Variants in NXPH1 observed in about 807,000 individuals in gnomAD.
NXPH1 encodes neurexophilin 1.
Under a neutral mutation model 23.7 loss-of-function variants are expected in NXPH1, and 5 were observed. The ratio of observed to expected loss-of-function variants is 0.21; its 90% confidence interval spans 0.11 to 0.44. NXPH1 has a LOEUF of 0.44. Among genes scored for constraint, NXPH1 ranks in the 20% least tolerant of loss-of-function variants. The pLI, the probability that NXPH1 is intolerant of heterozygous loss-of-function variation, is 0.99. For missense variants in NXPH1, 324 were observed against 321.6 expected, an observed-to-expected ratio of 1.01 and a Z score of -0.06; for synonymous variants, 144 against 122.2, an observed-to-expected ratio of 1.18 and a Z score of -1.18.
chr7:8,687,976 G>A (rs1821172196), intron 2 of NXPH1, among the ~76,000 whole-genome samples: 1 of 152,112 alleles, frequency 6.6e-6, no homozygotes, highest in African/African-American at 2.4e-5. Flanking sequence ...TTTTAAATAA[G>A]TAAGGTATGA....
chr7:8,588,523 C>T (rs1157509453), intron 2 of NXPH1, among the ~76,000 whole-genome samples: 1 of 152,132 alleles, frequency 6.6e-6, no homozygotes, highest in Admixed American at 6.5e-5. Context: ...CAACAGACCA[C>T]ATAACTACAT....
At chr7:8,609,027 T>C (rs1819561352) in intron 2 of NXPH1, among the ~76,000 whole-genome samples, 1 of 152,176 alleles carries the variant, frequency 6.6e-6, no homozygotes, top group African/African-American at 2.4e-5. Flanking sequence ...TTATCCCAGC[T>C]TAAATGATAT....
rs376417759 is a variant in NXPH1 at position 8,696,789 on chromosome 7, C to T, written c.55-54219C>T. Among the ~76,000 whole-genome samples, 43 of 144,852 alleles carry T rather than the reference C, an allele frequency of 3.0e-4. No homozygotes were observed. The Middle Eastern group carries it at 0.011, about 38-fold the overall frequency. On this transcript the variant is annotated intron_variant, in intron 2 of 2. Coordinates refer to ENST00000405863, the MANE Select transcript of NXPH1 (RefSeq NM_152745.3). ...CCGTGAGACGGAGCTTGCGGTGAGC[C>T]GAGATCTTGCCACTGCACTCCAGCC...
intron 2 of NXPH1, among the ~76,000 whole-genome samples, chr7:8,646,777 T>C (rs1257444419): frequency 6.6e-6 from 1 of 152,102 alleles, no homozygotes; most frequent in Non-Finnish European, 1.5e-5. Context: ...AGTCCCTCTA[T>C]AATTTTATTT....
chr7:8,534,783 T>A (rs1203836969), intron 2 of NXPH1, among the ~76,000 whole-genome samples: 1 of 152,082 alleles, frequency 6.6e-6, no homozygotes, highest in Non-Finnish European at 1.5e-5. Flanking sequence ...CCCTGATTGA[T>A]GAGGAAATGA....
At chr7:8,629,684 C>T (rs1162736057) in intron 2 of NXPH1, among the ~76,000 whole-genome samples, 1 of 152,136 alleles carries the variant, frequency 6.6e-6, no homozygotes, top group Admixed American at 6.6e-5. Context: ...GCTTTGATTG[C>T]TGTCCAAACG....
chr7:8,579,845 C>T (rs1471391571), intron 2 of NXPH1, among the ~76,000 whole-genome samples: 1 of 152,164 alleles, frequency 6.6e-6, no homozygotes, highest in Non-Finnish European at 1.5e-5. Flanking sequence ...TATAGCCATC[C>T]CTATTAAATC....
chr7:8,609,537 C>CT (rs1819572274), intron 2 of NXPH1, among the ~76,000 whole-genome samples: 1 of 152,126 alleles, frequency 6.6e-6, no homozygotes, highest in African/African-American at 2.4e-5. Flanking sequence ...CTTTGAGACA[C>CT]TTTCAGAAAG....
chr7:8,573,510 A>G (rs2082840367), intron 2 of NXPH1, among the ~76,000 whole-genome samples: 1 of 152,140 alleles, frequency 6.6e-6, no homozygotes, highest in African/African-American at 2.4e-5. Context: ...GAAGTGTAGT[A>G]TGTATTTGGC....
At chr7:8,489,039 G>C (rs1817206634) in intron 2 of NXPH1, among the ~76,000 whole-genome samples, 1 of 152,066 alleles carries the variant, frequency 6.6e-6, no homozygotes, top group African/African-American at 2.4e-5. Flanking sequence ...TTTGTTCCTT[G>C]CATTTGCAAA....
intron 2 of NXPH1, among the ~76,000 whole-genome samples, chr7:8,682,601 G>A (rs1365172988): frequency 1.3e-5 from 2 of 152,138 alleles, no homozygotes; most frequent in Admixed American, 6.5e-5. Context: ...CTTGAAATAA[G>A]CATCAGTGGA....
At chr7:8,711,669 T>C (rs1460584639) in intron 2 of NXPH1, among the ~76,000 whole-genome samples, 2 of 152,040 alleles carry the variant, frequency 1.3e-5, no homozygotes, top group African/African-American at 4.8e-5. Context: ...AGTGTGTGCA[T>C]GTAGGGGTGT....
chr7:8,531,363 T>A (rs1465045529), intron 2 of NXPH1, among the ~76,000 whole-genome samples: 3 of 152,218 alleles, frequency 2.0e-5, no homozygotes, highest in Non-Finnish European at 2.9e-5. Context: ...ATACTCTATT[T>A]GTTGAATGAA....
At chr7:8,454,356 A>G (rs17148966) in intron 2 of NXPH1, among the ~76,000 whole-genome samples, 13,444 of 152,130 alleles carry the variant, frequency 0.088, 1,374 homozygotes, top group African/African-American at 0.24. Flanking sequence ...GTAATTTTCA[A>G]TGTCTTAGGT....
rs1318565139 is a variant in NXPH1, at chr7:8,676,289, C to T, written c.55-74719C>T. On this transcript the variant is annotated intron_variant, in intron 2 of 2. Coordinates refer to ENST00000405863, the MANE Select transcript of NXPH1 (RefSeq NM_152745.3). The stretch of plus-strand genomic sequence containing the variant: ...TTAAAAACAGTGTTCAAATTTTGTC[C>T]AAATAGTCTATCAAAGCAAAGGATG... 3.3e-5 allele frequency among the ~76,000 whole-genome samples: 5 copies of T among 151,986 alleles called. No homozygotes were observed. The East Asian group carries it at 9.6e-4, about 29-fold the overall frequency.
intron 2 of NXPH1, among the ~76,000 whole-genome samples, chr7:8,694,591 TA>T (rs1821275404): frequency 6.6e-6 from 1 of 152,362 alleles, no homozygotes. Flanking sequence ...ATAACACATC[TA>T]TTTTTTTCAT....
intron 2 of NXPH1, among the ~76,000 whole-genome samples, chr7:8,620,004 T>C (rs781159992): frequency 3.3e-5 from 5 of 152,156 alleles, no homozygotes; most frequent in Non-Finnish European, 7.4e-5. Flanking sequence ...GAGCAGAGTT[T>C]TTCCATCCAC....
At chr7:8,488,513 G>A (rs750753052) in intron 2 of NXPH1, among the ~76,000 whole-genome samples, 1 of 152,036 alleles carries the variant, frequency 6.6e-6, no homozygotes, top group Non-Finnish European at 1.5e-5. Flanking sequence ...CATCTCCCTT[G>A]GTTTTGTAAT....
intron 2 of NXPH1, among the ~76,000 whole-genome samples, chr7:8,451,711 A>G (rs1816509402): frequency 6.6e-6 from 1 of 152,234 alleles, no homozygotes; most frequent in Non-Finnish European, 1.5e-5. Context: ...CTATATCAAA[A>G]ACAACCCTCC....
Sources: gnomAD v4.1 joint callset for allele counts (sites outside exome capture counted in the v4.1 genomes callset) on GRCh38, gnomAD v4.1.1 for gene constraint, MANE v1.5 for transcripts, NCBI Gene and HGNC (gene_info 2026-07-23, HGNC 2026-07-21) for gene names.